The following NAALADL2 variants were observed in gnomAD, a reference collection of about 807,000 sequenced individuals.
NAALADL2 encodes inactive N-acetylated-alpha-linked acidic dipeptidase-like protein 2.
In NAALADL2, 76 loss-of-function variants were observed where a neutral mutation model predicts 87.2. The observed-to-expected ratio is 0.87, with a 90% CI of 0.72 to 1.05. NAALADL2 has a LOEUF of 1.05. NAALADL2 is among the 50% of genes least tolerant of loss of function. The pLI is 0.00. For synonymous variants in NAALADL2, 354 were observed against 331.0 expected, an observed-to-expected ratio of 1.07 and a Z score of -0.75; for missense variants, 1,089 against 945.8, an observed-to-expected ratio of 1.15 and a Z score of -1.99.
intron 3 of NAALADL2, among the ~76,000 whole-genome samples, chr3:175,241,285 A>G (rs554946467): frequency 1.2e-3 from 186 of 152,100 alleles, no homozygotes; most frequent in African/African-American, 4.3e-3. Flanking sequence ...CAGTGGTGCA[A>G]CCTCGGCTCA....
intron 3 of NAALADL2, among the ~76,000 whole-genome samples, chr3:174,766,681 T>G (rs970043824): frequency 1.3e-5 from 2 of 152,128 alleles, no homozygotes; most frequent in African/African-American, 4.8e-5. Context: ...TGGAATCTTT[T>G]TATCTGTTGT....
At chr3:175,712,787 C>T (rs1740707684) in intron 11 of NAALADL2, among the ~76,000 whole-genome samples, 1 of 151,972 alleles carries the variant, frequency 6.6e-6, no homozygotes, top group African/African-American at 2.4e-5. Context: ...GTTCATAAGC[C>T]ACCAAGTTTA....
At chr3:174,864,971 C>A (rs1163863764) in intron 1 of NAALADL2, among the ~76,000 whole-genome samples, 1 of 151,978 alleles carries the variant, frequency 6.6e-6, no homozygotes, top group East Asian at 1.9e-4. Context: ...TTCAGTTGAT[C>A]CCTTGAGCTT....
intron 2 of NAALADL2, among the ~76,000 whole-genome samples, chr3:174,611,164 G>T (rs964739749): frequency 7.2e-6 from 1 of 139,098 alleles, no homozygotes; most frequent in Non-Finnish European, 1.5e-5. Context: ...GGGGACTGTT[G>T]TGAGGTGGGG....
chr3:174,780,354 G>T (rs536707965), intron 3 of NAALADL2, among the ~76,000 whole-genome samples: 2 of 152,298 alleles, frequency 1.3e-5, no homozygotes, highest in East Asian at 3.9e-4. Flanking sequence ...CTTTACTGAA[G>T]TTGCTTATCA....
intron 1 of NAALADL2, among the ~76,000 whole-genome samples, chr3:174,986,701 GCTTCT>G (rs878956660): frequency 5.9e-5 from 9 of 152,240 alleles, no homozygotes; most frequent in Admixed American, 4.6e-4. Context: ...CTGAAACTGT[GCTTCT>G]CTTAAGTGTT....
intron 1 of NAALADL2, among the ~76,000 whole-genome samples, chr3:175,069,850 A>T (rs1580286393): frequency 6.7e-6 from 1 of 149,296 alleles, no homozygotes; most frequent in East Asian, 2.0e-4. Context: ...TGATGAGTTC[A>T]TGTCCTTTGT....
At position 175,305,548 on chromosome 3, in the gene NAALADL2, G is replaced by A. The variant is rs553037954; in HGVS notation, c.940-18627G>A. Among the ~76,000 whole-genome samples, 16 of 152,014 alleles carry A rather than the reference G, an allele frequency of 1.1e-4. 1 individual carries two copies. The South Asian group carries it at 3.3e-3, about 32-fold the overall frequency. On this transcript the variant is annotated intron_variant, in intron 4 of 13. Coordinates refer to ENST00000454872, the MANE Select transcript of NAALADL2 (RefSeq NM_207015.3). ...TTCTTTTTTTTTGTTTTGAGACAGA[G>A]TTTTGCTCTTGTTGTCCAGGCTGGA...
rs565436706 is a variant in NAALADL2, at chr3:175,409,966, AAAG to A, written c.1091-37259_1091-37257del. Among the ~76,000 whole-genome samples the A allele has an allele frequency of 5.3e-3, 813 of 152,250 alleles. 4 individuals carry two copies. The highest frequency in any genetic ancestry group is 8.4e-3 in the Non-Finnish European group (573 of 67,952). ...TGAAATATGGAAGGTTAATGAAGTT[AAAG>A]AAGTAGATATTATTTAAAAGTAGAA... On this transcript the variant is annotated intron_variant, in intron 5 of 13. Coordinates refer to ENST00000454872, the MANE Select transcript of NAALADL2 (RefSeq NM_207015.3).
intron 11 of NAALADL2, among the ~76,000 whole-genome samples, chr3:175,641,065 A>C (rs1729223548): frequency 1.3e-5 from 2 of 152,172 alleles, no homozygotes; most frequent in Non-Finnish European, 2.9e-5. Flanking sequence ...CATTGCTCAA[A>C]TGTTCAAATA....
chr3:175,600,606 C>T (rs1209867086), intron 10 of NAALADL2, among the ~76,000 whole-genome samples: 1 of 127,328 alleles, frequency 7.9e-6, no homozygotes, highest in African/African-American at 2.9e-5. Context: ...GGCGCGATCT[C>T]GGCTCACTGC....
intron 2 of NAALADL2, among the ~76,000 whole-genome samples, chr3:175,126,889 C>T (rs1580589013): frequency 6.9e-6 from 1 of 144,770 alleles, no homozygotes; most frequent in Middle Eastern, 3.8e-3. Flanking sequence ...TGTTTACTAA[C>T]ATTCTAAAAA....
At chr3:175,207,552 A>C (rs1741127485) in intron 2 of NAALADL2, among the ~76,000 whole-genome samples, 1 of 152,066 alleles carries the variant, frequency 6.6e-6, no homozygotes, top group Non-Finnish European at 1.5e-5. Flanking sequence ...AGTTCAGGTC[A>C]TTACCCATTA....
chr3:175,569,970 G>A (rs1001245249), intron 9 of NAALADL2, among the ~76,000 whole-genome samples: 15 of 152,096 alleles, frequency 9.9e-5, no homozygotes, highest in African/African-American at 3.1e-4. Flanking sequence ...TTTGTCTCAT[G>A]TGGTTATGGT....
intron 13 of NAALADL2, among the ~76,000 whole-genome samples, chr3:175,792,077 G>A (rs1006899349): frequency 6.6e-5 from 10 of 152,186 alleles, no homozygotes; most frequent in Non-Finnish European, 1.5e-4. Context: ...AAAAAATTGT[G>A]TAATATGTTG....
At chr3:174,502,564 T>A (rs1718962590) in intron 1 of NAALADL2, among the ~76,000 whole-genome samples, 1 of 152,194 alleles carries the variant, frequency 6.6e-6, no homozygotes, top group Non-Finnish European at 1.5e-5. Context: ...ATTAGTCAGT[T>A]ATTTTCATTT....
intron 3 of NAALADL2, among the ~76,000 whole-genome samples, chr3:174,779,599 G>A (rs887875258): frequency 2.6e-5 from 4 of 151,914 alleles, no homozygotes; most frequent in East Asian, 1.9e-4. Flanking sequence ...AGGCTTTTAC[G>A]GCTTTAGGTC....
chr3:174,926,463 G>A (rs1164128416), intron 1 of NAALADL2, among the ~76,000 whole-genome samples: 18 of 151,936 alleles, frequency 1.2e-4, no homozygotes, highest in Non-Finnish European at 2.2e-4. Context: ...GAGAAAGGTC[G>A]GGTTACCCAC....
At chr3:175,530,079 T>C (rs1733898339) in intron 9 of NAALADL2, among the ~76,000 whole-genome samples, 1 of 152,194 alleles carries the variant, frequency 6.6e-6, no homozygotes, top group South Asian at 2.1e-4. Flanking sequence ...GCTGAGCCCA[T>C]GTGTAACTTC....
Sources: gnomAD v4.1 joint callset for allele counts (sites outside exome capture counted in the v4.1 genomes callset) on GRCh38, gnomAD v4.1.1 for gene constraint, MANE v1.5 for transcripts, NCBI Gene and HGNC (gene_info 2026-07-23, HGNC 2026-07-21) for gene names.